The following NRG3 variants were observed in gnomAD, a reference collection of about 807,000 sequenced individuals.
NRG3 encodes neuregulin 3.
Under a neutral mutation model 66.9 loss-of-function variants are expected in NRG3, and 31 were observed. That is an observed-to-expected ratio of 0.46 (90% CI 0.35 to 0.63). The LOEUF (loss-of-function observed/expected upper bound fraction) is 0.63, where lower values mean the gene tolerates loss of function less well. NRG3 is among the 20% of genes least tolerant of loss of function. The pLI, the probability that NRG3 is intolerant of heterozygous loss-of-function variation, is 0.00. For missense variants in NRG3, 910 were observed against 878.9 expected (o/e 1.04, Z -0.45); for synonymous variants, 393 against 359.4 (o/e 1.09, Z -1.06).
chr10:82,513,660 G>A (rs1321624334), intron 2 of NRG3, among the ~76,000 whole-genome samples: 1 of 152,262 alleles, frequency 6.6e-6, no homozygotes, highest in African/African-American at 2.4e-5. Context: ...CACACCTGTA[G>A]TCCCAGCTAA....
intron 1 of NRG3, among the ~76,000 whole-genome samples, chr10:82,205,690 C>T (rs1398329941): frequency 6.6e-6 from 1 of 152,130 alleles, no homozygotes; most frequent in African/African-American, 2.4e-5. Context: ...GGCTGTACAG[C>T]CACCACAAAG....
chr10:82,001,787 A>T (rs2133684289), intron 1 of NRG3, among the ~76,000 whole-genome samples: 1 of 152,340 alleles, frequency 6.6e-6, no homozygotes, highest in East Asian at 1.9e-4. Flanking sequence ...TAACTGAAAT[A>T]TTAAGTTGAG....
At chr10:82,494,670 T>TTC (rs1176701225) in intron 2 of NRG3, among the ~76,000 whole-genome samples, 3 of 152,182 alleles carry the variant, frequency 2.0e-5, no homozygotes, top group African/African-American at 7.2e-5. Flanking sequence ...GGCATTCTCA[T>TTC]TCTCCCTTCT....
chr10:82,595,340 A>T (rs1463659292), intron 2 of NRG3, among the ~76,000 whole-genome samples: 1 of 152,132 alleles, frequency 6.6e-6, no homozygotes, highest in Non-Finnish European at 1.5e-5. Flanking sequence ...ATGTTTATTA[A>T]CCTCTGTTAC....
At chr10:81,905,309 C>G (rs980352933) in intron 1 of NRG3, among the ~76,000 whole-genome samples, 2 of 152,098 alleles carry the variant, frequency 1.3e-5, no homozygotes, top group African/African-American at 4.8e-5. Flanking sequence ...GCAGCTTTTC[C>G]CACTCTCCAG....
intron 2 of NRG3, among the ~76,000 whole-genome samples, chr10:82,557,263 A>G (rs1444113996): frequency 6.6e-5 from 10 of 152,192 alleles, no homozygotes; most frequent in African/African-American, 2.4e-4. Context: ...TCAACAGTGT[A>G]TAAGTGTTCC....
intron 2 of NRG3, among the ~76,000 whole-genome samples, chr10:82,682,381 G>A (rs2054167013): frequency 6.7e-6 from 1 of 149,284 alleles, no homozygotes; most frequent in East Asian, 2.0e-4. Flanking sequence ...ATAGATGATA[G>A]GTAGATAGTA....
chr10:82,886,417 C>G (rs917665351), intron 4 of NRG3, among the ~76,000 whole-genome samples: 1 of 152,146 alleles, frequency 6.6e-6, no homozygotes, highest in African/African-American at 2.4e-5. Flanking sequence ...TTTGGCAATT[C>G]TGAGCCTTTT....
chr10:82,589,067 C>G (rs538932863), intron 2 of NRG3, among the ~76,000 whole-genome samples: 72 of 152,234 alleles, frequency 4.7e-4, no homozygotes, highest in South Asian at 1.0e-3. Context: ...CTCACCTCCT[C>G]TCTGCGTTAC....
At chr10:82,271,611 A>T (rs1589542283) in intron 1 of NRG3, among the ~76,000 whole-genome samples, 1 of 148,972 alleles carries the variant, frequency 6.7e-6, no homozygotes, top group Admixed American at 6.6e-5. Flanking sequence ...ACTACTAACT[A>T]ATTAACTCTA....
At chr10:82,516,799 C>G (rs1461736909) in intron 2 of NRG3, among the ~76,000 whole-genome samples, 1 of 151,986 alleles carries the variant, frequency 6.6e-6, no homozygotes, top group African/African-American at 2.4e-5. Flanking sequence ...GAGTTATTTT[C>G]AAATGCTTTT....
chr10:82,801,875 T>C (rs1042797893), intron 3 of NRG3, among the ~76,000 whole-genome samples: 1 of 152,190 alleles, frequency 6.6e-6, no homozygotes, highest in African/African-American at 2.4e-5. Flanking sequence ...AATGTAACAC[T>C]CAACATGATC....
At chr10:82,009,386 G>T (rs1179380515) in intron 1 of NRG3, among the ~76,000 whole-genome samples, 1 of 152,052 alleles carries the variant, frequency 6.6e-6, no homozygotes, top group Non-Finnish European at 1.5e-5. Context: ...TAAATTAGTT[G>T]CAGTGTTCTT....
intron 1 of NRG3, among the ~76,000 whole-genome samples, chr10:81,917,255 A>C (rs1324010182): frequency 6.6e-6 from 1 of 152,184 alleles, no homozygotes; most frequent in Admixed American, 6.5e-5. Flanking sequence ...CAAGTCCCTT[A>C]TTTGGAATGC....
intron 2 of NRG3, among the ~76,000 whole-genome samples, chr10:82,402,109 C>T (rs1277115713): frequency 1.3e-5 from 2 of 151,762 alleles, no homozygotes; most frequent in Non-Finnish European, 2.9e-5. Context: ...AGAAAGAAAG[C>T]ATTTGAAATC....
intron 1 of NRG3, among the ~76,000 whole-genome samples, chr10:81,894,712 C>T (rs1029850547): frequency 2.0e-5 from 3 of 152,118 alleles, no homozygotes; most frequent in Non-Finnish European, 2.9e-5. Context: ...CTGCCCTCCC[C>T]GCTGCTACCC....
chr10:82,455,570 CT>C (rs1369287045), intron 2 of NRG3, among the ~76,000 whole-genome samples: 1 of 150,906 alleles, frequency 6.6e-6, no homozygotes. Flanking sequence ...TTACTGTACA[CT>C]ACTATGGACT....
intron 1 of NRG3, among the ~76,000 whole-genome samples, chr10:81,947,367 C>G (rs968781225): frequency 2.0e-5 from 3 of 152,134 alleles, no homozygotes; most frequent in African/African-American, 7.2e-5. Context: ...AGGGTCAAGA[C>G]TTCAACTTAT....
At chr10:82,013,113 G>A (rs2061646675) in intron 1 of NRG3, among the ~76,000 whole-genome samples, 1 of 152,140 alleles carries the variant, frequency 6.6e-6, no homozygotes, top group Non-Finnish European at 1.5e-5. Flanking sequence ...AATTTATAAA[G>A]GAAATTGGTT....
Sources: gnomAD v4.1 joint callset for allele counts (sites outside exome capture counted in the v4.1 genomes callset) on GRCh38, gnomAD v4.1.1 for gene constraint, MANE v1.5 for transcripts, NCBI Gene and HGNC (gene_info 2026-07-23, HGNC 2026-07-21) for gene names.